Variants in TRMU observed in about 807,000 individuals in gnomAD.
TRMU encodes the protein mitochondrial tRNA-specific 2-thiouridylase 1.
TRMU carries 49 observed loss-of-function variants against 46.9 expected under a neutral mutation model. The observed-to-expected ratio is 1.05, with a 90% confidence interval of 0.83 to 1.33. The LOEUF is 1.33. Among genes scored for constraint, TRMU ranks in the 40% most tolerant of loss-of-function variants. The pLI is 0.00. For synonymous variants in TRMU, 241 were observed against 200.9 expected (o/e 1.20, Z -1.69); for missense variants, 572 against 532.4 (o/e 1.07, Z -0.73).
rs1050368484 is a variant in TRMU at position 46,349,442 on chromosome 22, C to T, written c.479-849C>T. Among the ~76,000 whole-genome samples, 4 of 152,230 alleles carry T rather than the reference C, an allele frequency of 2.6e-5. No homozygotes were observed. The highest frequency in any genetic ancestry group is 1.9e-4 in the East Asian group (1 of 5,190). Reference sequence around the variant, plus strand: ...AGCTACGCAGAGTGTGTACTGTACACGTGGCTCTGCCAAGCCAGGAAGGGT... The same window carrying T: ...AGCTACGCAGAGTGTGTACTGTACATGTGGCTCTGCCAAGCCAGGAAGGGT... On this transcript the variant is annotated intron_variant, in intron 4 of 10. Transcript: ENST00000645190. This position sits in a 1 kb window ranked among gnomAD's most constrained non-coding sequence, Gnocchi z 4.6.
At chr22:46,337,667 C>T in intron 1 of TRMU, 112 bp from the exon 2 acceptor site, 1 of 1,419,054 alleles carries the variant, frequency 7.0e-7, no homozygotes, top group Non-Finnish European at 9.7e-7. Context: ...GCAGGCCAGG[C>T]ACAGAGGCAC....
At chr22:46,352,933 G>A (rs1013510178) in intron 7 of TRMU, 4 of 192,018 alleles carry the variant, frequency 2.1e-5, no homozygotes, top group South Asian at 1.1e-4. Context: ...GCCTGCCGGC[G>A]TGATGATCAG....
At chr22:46,352,357 A>G in intron 7 of TRMU, 27 bp downstream of exon 7, 2 of 1,612,890 alleles carry the variant, frequency 1.2e-6, no homozygotes, top group Non-Finnish European at 8.5e-7. Flanking sequence ...GCCACTTGTC[A>G]TCTGAAATGC....
Position 46,346,485 on chromosome 22 carries a change from A to G in TRMU, c.419A>G (p.Glu140Gly). 6.2e-7 allele frequency: 1 copy of G among 1,613,676 alleles called. No individual in the cohort carries two copies. ...TCCCTGGAAGATGAAGAAGTCTTTG[A>G]GCAGAAGCACGTTAAGAAGCCCGAA... Reference protein sequence around the residue: ...RTSLEDEEVFEQKHVKKPEGL... With the variant: ...RTSLEDEEVFGQKHVKKPEGL... Residue 140 changes from glutamate to glycine, a missense_variant, in exon 4 of 11, where the codon GAG becomes GGG. Coordinates refer to ENST00000645190, the MANE Select transcript of TRMU (RefSeq NM_018006.5).
chr22:46,353,561 C>T (rs940674602), intron 7 of TRMU: 34 of 515,948 alleles, frequency 6.6e-5, no homozygotes, highest in Admixed American at 3.4e-4. Flanking sequence ...CACCCCATGT[C>T]CAGCCCAGGC....
At position 46,342,073 on chromosome 22, in the gene TRMU, A is replaced by T. The variant is rs1337430455; in HGVS notation, c.249-1189A>T. 3.9e-5 allele frequency among the ~76,000 whole-genome samples: 6 copies of T among 152,110 alleles called. No individual in the cohort carries two copies. The highest frequency in any genetic ancestry group is 7.4e-5 in the Non-Finnish European group (5 of 67,998). On this transcript the variant is annotated intron_variant, in intron 2 of 10. Transcript: ENST00000645190. This position sits in a 1 kb window ranked among gnomAD's most constrained non-coding sequence, Gnocchi z 4.7. ...GTGGACACCGACTGGGTGTCCTCTG[A>T]TTCAGTTCCGATACCATCTACTTGG...
At position 46,338,614 on chromosome 22, in the gene TRMU, C is replaced by T. The variant is rs2078041124; in HGVS notation, c.248+670C>T. On this transcript the variant is annotated intron_variant, in intron 2 of 10. Transcript: ENST00000645190. This position sits in a 1 kb window ranked among gnomAD's most constrained non-coding sequence, Gnocchi z 4.5. ...GTGTGGAGTAATCAAGAAGGCTTCA[C>T]CGGAGAGGAGGGGTTGCAAACAAAG... 6.6e-6 allele frequency among the ~76,000 whole-genome samples: 1 copy of T among 152,146 alleles called. No individual in the cohort carries two copies.
rs1008262126 is a variant in TRMU at position 46,336,672 on chromosome 22, C to T, written c.82+826C>T. 1 of 152,174 alleles carries T rather than the reference C, an allele frequency of 6.6e-6. No individual in the cohort carries two copies. The highest frequency in any genetic ancestry group is 2.4e-5 in the African/African-American group (1 of 41,416). 9.4% of individuals were successfully genotyped at this position (152,174 alleles called of 1,614,324 possible). On this transcript the variant is annotated intron_variant, in intron 1 of 10. Coordinates refer to ENST00000645190, the MANE Select transcript of TRMU (RefSeq NM_018006.5). The surrounding 1 kb of genome is among the most constrained non-coding windows in gnomAD (Gnocchi z 4.1). ...ACGTGCTCAGCACATACGAGGTACG[C>T]AGAAAACAGTAGTGGCTATTAGTTT...
In TRMU at chr22:46,339,525, A is replaced by G. The variant is rs1194961395; in HGVS notation, c.248+1581A>G. Among the ~76,000 whole-genome samples the G allele has an allele frequency of 3.3e-5, 5 of 152,326 alleles. No individual in the cohort carries two copies. The highest frequency in any genetic ancestry group is 1.2e-4 in the African/African-American group (5 of 41,564). On this transcript the variant is annotated intron_variant, in intron 2 of 10. Transcript: ENST00000645190. The surrounding 1 kb of genome is among the most constrained non-coding windows in gnomAD (Gnocchi z 4.8). ...GAGGACGCAAAGGCATAAAAATGATATAATGGACTCTGGGGTGAGGGATAA... is the reference window on the plus strand; with the variant it reads ...GAGGACGCAAAGGCATAAAAATGATGTAATGGACTCTGGGGTGAGGGATAA...
Position 46,353,734 on chromosome 22 carries a change from G to T in TRMU, c.773-33G>T, listed in dbSNP as rs573248624. 2.5e-6 allele frequency: 4 copies of T among 1,603,360 alleles called. No individual in the cohort carries two copies. In the South Asian group the frequency reaches 4.4e-5, roughly 18 times the overall value. On this transcript the variant is annotated intron_variant, in intron 7 of 10. Transcript: ENST00000645190. ...CGTGACATGTGGGCTGTAACTTGTT[G>T]CCCAGCCTCATGGAGAAACTGTCTT...
chr22:46,356,161 C>G (rs1406117088), intron 10 of TRMU, 89 bp downstream of exon 10: 1 of 1,470,052 alleles, frequency 6.8e-7, no homozygotes, highest in Non-Finnish European at 9.4e-7. Context: ...GGGGCTGAGG[C>G]CCAGGAGTAG....
chr22:46,353,804 A>T lies in TRMU; in HGVS notation c.810A>T (p.Ile270=). 1 of 1,613,946 alleles carries T rather than the reference A, an allele frequency of 6.2e-7. No homozygotes were observed. ...FLYTLGQRAN[I]GGLREPWYVV... Reference sequence around the variant, plus strand: ...ATACCTTGGGCCAGAGAGCAAACATAGGTGGCCTGAGAGAGCCCTGGTACG... The same window carrying T: ...ATACCTTGGGCCAGAGAGCAAACATTGGTGGCCTGAGAGAGCCCTGGTACG... Residue 270 remains isoleucine, a synonymous_variant, in exon 8 of 11, where the codon ATA becomes ATT. Transcript: ENST00000645190.
At position 46,351,762 on chromosome 22, in the gene TRMU, C is replaced by A; in HGVS notation, c.652-359C>A. 3 of 394,382 alleles carry A rather than the reference C, an allele frequency of 7.6e-6. No homozygotes were observed. The highest frequency in any genetic ancestry group is 6.4e-5 in the South Asian group (3 of 46,588). 24.4% of individuals were successfully genotyped at this position (394,382 alleles called of 1,614,324 possible). A position where few individuals can be genotyped will look rare whatever the true frequency, so the allele number is the denominator to read the frequency against. Reference sequence around the variant, plus strand: ...CCTCCCCTAAGGCCTTAGCTTCAGGCCTGGCTTTCCTGCTACCTGCCCCTT... The same window carrying A: ...CCTCCCCTAAGGCCTTAGCTTCAGGACTGGCTTTCCTGCTACCTGCCCCTT... On this transcript the variant is annotated intron_variant, in intron 5 of 10. Transcript: ENST00000645190. The surrounding 1 kb of genome is among the most constrained non-coding windows in gnomAD (Gnocchi z 6.4).
At position 46,349,313 on chromosome 22, in the gene TRMU, C is replaced by A. The variant is rs529294520; in HGVS notation, c.479-978C>A. Among the ~76,000 whole-genome samples, 1 of 152,132 alleles carries A rather than the reference C, an allele frequency of 6.6e-6. No homozygotes were observed. The highest frequency in any genetic ancestry group is 1.5e-5 in the Non-Finnish European group (1 of 68,022). ...CCGCCTCCACCTGCATCACTTTGGG[C>A]GAGTCATATGTGATGAACTGGGCCG... On this transcript the variant is annotated intron_variant, in intron 4 of 10. Coordinates refer to ENST00000645190, the MANE Select transcript of TRMU (RefSeq NM_018006.5). The surrounding 1 kb of genome is among the most constrained non-coding windows in gnomAD (Gnocchi z 4.6).
Position 46,347,426 on chromosome 22 carries a change from G to C in TRMU, c.478+882G>C, listed in dbSNP as rs942475090. The C allele has an allele frequency of 6.6e-6, 1 of 152,000 alleles. No homozygotes were observed. Among genetic ancestry groups the C allele is most frequent in the African/African-American group, 2.4e-5 (1 of 41,332 alleles). 9.4% of individuals were successfully genotyped at this position (152,000 alleles called of 1,614,324 possible). On this transcript the variant is annotated intron_variant, in intron 4 of 10. Coordinates refer to ENST00000645190, the MANE Select transcript of TRMU (RefSeq NM_018006.5). The surrounding 1 kb of genome is among the most constrained non-coding windows in gnomAD (Gnocchi z 5.0). Reference sequence around the variant, plus strand: ...GAGTACAGTGGCCCGATCTTGGCTCGCTGCAGCCTCCACCTCCTGGGCTCA... The same window carrying C: ...GAGTACAGTGGCCCGATCTTGGCTCCCTGCAGCCTCCACCTCCTGGGCTCA...
Position 46,351,238 on chromosome 22 carries a change from C to G in TRMU, c.651+775C>G, listed in dbSNP as rs1444850916. Reference sequence around the variant, plus strand: ...AAGCCAGGGAGCCGCTGTGGGGGTGCCTGCCTGTGGCCCCAGCTCCTCAGG... The same window carrying G: ...AAGCCAGGGAGCCGCTGTGGGGGTGGCTGCCTGTGGCCCCAGCTCCTCAGG... On this transcript the variant is annotated intron_variant, in intron 5 of 10. Coordinates refer to ENST00000645190, the MANE Select transcript of TRMU (RefSeq NM_018006.5). The surrounding 1 kb of genome is among the most constrained non-coding windows in gnomAD (Gnocchi z 6.4). Among the ~76,000 whole-genome samples the G allele has an allele frequency of 6.6e-6, 1 of 152,184 alleles. No homozygotes were observed. Among genetic ancestry groups the G allele is most frequent in the African/African-American group, 2.4e-5 (1 of 41,450 alleles).
At position 46,351,395 on chromosome 22, in the gene TRMU, G is replaced by A. The variant is rs978484208; in HGVS notation, c.652-726G>A. On this transcript the variant is annotated intron_variant, in intron 5 of 10. Transcript: ENST00000645190. The surrounding 1 kb of genome is among the most constrained non-coding windows in gnomAD (Gnocchi z 6.4). ...GGAGGGCCTTGGGGATGGAGGGCGA[G>A]GGCGCTGTGGGATGAGCCTCACCTC... 3.3e-5 allele frequency among the ~76,000 whole-genome samples: 5 copies of A among 152,212 alleles called. No individual in the cohort carries two copies. The highest frequency in any genetic ancestry group is 7.4e-5 in the Non-Finnish European group (5 of 68,024).
chr22:46,335,856 C>A lies in TRMU; in HGVS notation c.82+10C>A, dbSNP rs779246852. On this transcript the variant is annotated intron_variant, in intron 1 of 10. Coordinates refer to ENST00000645190, the MANE Select transcript of TRMU (RefSeq NM_018006.5). ...CTGCTGAGGCGGAGAGGTGAGGCGTCCGAGGCTCCCGCCCCCCGCCGAGCG... is the reference window on the plus strand; with the variant it reads ...CTGCTGAGGCGGAGAGGTGAGGCGTACGAGGCTCCCGCCCCCCGCCGAGCG... 6.5e-7 allele frequency: 1 copy of A among 1,537,474 alleles called. No individual in the cohort carries two copies. The highest frequency in any genetic ancestry group is 8.7e-7 in the Non-Finnish European group (1 of 1,147,408).
At chr22:46,343,432 C>A in intron 3 of TRMU, 64 bp downstream of exon 3, 2 of 1,271,954 alleles carry the variant, frequency 1.6e-6, no homozygotes, top group Non-Finnish European at 2.3e-6. Flanking sequence ...GTCACCCAGG[C>A]TGGATTGCAG....
Sources: allele counts gnomAD v4.1 joint callset (sites outside exome capture counted in the v4.1 genomes callset), GRCh38; gene constraint gnomAD v4.1.1; non-coding constraint Gnocchi (gnomAD v3.1); transcripts MANE v1.5; gene names NCBI Gene and HGNC (gene_info 2026-07-23, HGNC 2026-07-21).